The following CNTN4 variants were observed in gnomAD, a reference collection of about 807,000 sequenced individuals.
CNTN4 encodes the protein contactin 4, also known as contactin-4.
Under a neutral mutation model 122.5 loss-of-function variants are expected in CNTN4, and 77 were observed. The ratio of observed to expected loss-of-function variants is 0.63; its 90% CI spans 0.52 to 0.76. The LOEUF is 0.76. Among genes scored for constraint, CNTN4 ranks in the 30% least tolerant of loss-of-function variants. The pLI is 0.00. For missense variants in CNTN4, 1,256 were observed against 1,259.1 expected, an observed-to-expected ratio of 1.00 and a Z score of 0.04; for synonymous variants, 512 against 447.0, an observed-to-expected ratio of 1.15 and a Z score of -1.83.
At chr3:2,426,198 G>A (rs897646174) in intron 3 of CNTN4, among the ~76,000 whole-genome samples, 2 of 152,170 alleles carry the variant, frequency 1.3e-5, no homozygotes, top group Non-Finnish European at 2.9e-5. Context: ...GATGTTAGCT[G>A]TGGGTTTGTC....
At chr3:2,622,750 T>C (rs1297890853) in intron 4 of CNTN4, among the ~76,000 whole-genome samples, 1 of 152,208 alleles carries the variant, frequency 6.6e-6, no homozygotes, top group African/African-American at 2.4e-5. Context: ...GGATGTGTGT[T>C]AATATATCCA....
rs894812174 is a variant in CNTN4 at position 2,833,596 on chromosome 3, GA to G, written c.454+14023del. On this transcript the variant is annotated intron_variant, in intron 7 of 24. Transcript: ENST00000418658. ...TGTACTTTCTCATGTTTGAGCGGAAGAAAAAAAATTATGGTATTTTTTATTT... is the reference window on the plus strand; with the variant it reads ...TGTACTTTCTCATGTTTGAGCGGAAGAAAAAAATTATGGTATTTTTTATTT... 2.0e-4 allele frequency among the ~76,000 whole-genome samples: 29 copies of G among 148,404 alleles called. No homozygotes were observed. In the East Asian group the frequency reaches 4.9e-3, roughly 25 times the overall value.
chr3:2,137,876 C>T (rs73806314), intron 2 of CNTN4, among the ~76,000 whole-genome samples: 2 of 152,234 alleles, frequency 1.3e-5, no homozygotes, highest in South Asian at 2.1e-4. Context: ...CCTGTGTTGC[C>T]ACTATGTAAA....
intron 15 of CNTN4, 57 bp downstream of exon 15, chr3:3,026,334 T>G: frequency 1.4e-6 from 2 of 1,419,456 alleles, no homozygotes; most frequent in Non-Finnish European, 2.0e-6. Flanking sequence ...AACTTAACAA[T>G]ATATTTAAAG....
chr3:2,294,288 C>CTGTTTTTTTTTTTTTTTT (rs2042229738), intron 2 of CNTN4, among the ~76,000 whole-genome samples: 1 of 135,614 alleles, frequency 7.4e-6, no homozygotes, highest in Non-Finnish European at 1.6e-5. Flanking sequence ...AGAGTTGTGA[C>CTGTTTTTTTTTTTTTTTT]TTTTTTTTTT....
At chr3:2,923,940 A>G (rs1465661331) in intron 12 of CNTN4, among the ~76,000 whole-genome samples, 3 of 152,134 alleles carry the variant, frequency 2.0e-5, no homozygotes, top group African/African-American at 7.2e-5. Flanking sequence ...CGTTTATCTC[A>G]TTAAAGCAAA....
At chr3:2,479,127 CAAT>C (rs1481405850) in intron 3 of CNTN4, among the ~76,000 whole-genome samples, 1 of 152,074 alleles carries the variant, frequency 6.6e-6, no homozygotes, top group Non-Finnish European at 1.5e-5. Context: ...TCAACCATTT[CAAT>C]AATATTTGTT....
At chr3:2,845,438 G>A (rs73805414) in intron 7 of CNTN4, among the ~76,000 whole-genome samples, 2,421 of 151,882 alleles carry the variant, frequency 0.016, 73 homozygotes, top group African/African-American at 0.055. Flanking sequence ...TACTTTATTA[G>A]TAAATAAAGA....
At chr3:2,970,854 C>T (rs1692838754) in intron 13 of CNTN4, among the ~76,000 whole-genome samples, 1 of 151,900 alleles carries the variant, frequency 6.6e-6, no homozygotes, top group Admixed American at 6.6e-5. Flanking sequence ...GTGGCGTGAT[C>T]CCAGCTCACT....
chr3:2,373,277 G>A (rs752716451), intron 3 of CNTN4, among the ~76,000 whole-genome samples: 1 of 152,140 alleles, frequency 6.6e-6, no homozygotes, highest in Non-Finnish European at 1.5e-5. Context: ...GCACTCCTTG[G>A]GCAGGAGGAG....
intron 4 of CNTN4, among the ~76,000 whole-genome samples, chr3:2,629,876 A>G (rs546605904): frequency 5.1e-4 from 78 of 152,244 alleles, no homozygotes; most frequent in African/African-American, 1.7e-3. Flanking sequence ...ATTTCCCGCC[A>G]GCCCAACCTG....
At chr3:2,549,379 T>C (rs1255842656) in intron 3 of CNTN4, among the ~76,000 whole-genome samples, 1 of 152,208 alleles carries the variant, frequency 6.6e-6, no homozygotes, top group Non-Finnish European at 1.5e-5. Context: ...GTTCCATCAA[T>C]ACCTACTTTA....
intron 14 of CNTN4, among the ~76,000 whole-genome samples, chr3:2,990,350 A>G (rs116219368): frequency 0.018 from 2,725 of 152,322 alleles, 34 homozygotes; most frequent in Middle Eastern, 0.031. Context: ...CCACCCCAAT[A>G]GAATAATTAG....
chr3:2,367,171 C>T (rs1002430485), intron 3 of CNTN4, among the ~76,000 whole-genome samples: 1 of 151,962 alleles, frequency 6.6e-6, no homozygotes, highest in Non-Finnish European at 1.5e-5. Flanking sequence ...GAATAAACTA[C>T]ACAAAATTAC....
chr3:2,515,500 A>G (rs972509074), intron 3 of CNTN4, among the ~76,000 whole-genome samples: 1 of 152,188 alleles, frequency 6.6e-6, no homozygotes, highest in African/African-American at 2.4e-5. Flanking sequence ...ATGGAAAAAT[A>G]AAAGGCATAC....
intron 13 of CNTN4, among the ~76,000 whole-genome samples, chr3:2,935,581 A>G (rs2094560580): frequency 6.6e-6 from 1 of 152,208 alleles, no homozygotes; most frequent in Non-Finnish European, 1.5e-5. Flanking sequence ...TCTCCCTGGT[A>G]CAAGATGTAT....
intron 4 of CNTN4, among the ~76,000 whole-genome samples, chr3:2,634,544 T>G (rs2082573902): frequency 6.6e-6 from 1 of 151,840 alleles, no homozygotes; most frequent in South Asian, 2.1e-4. Flanking sequence ...TTTGAAAAAT[T>G]CTAGGGCCGG....
rs2088446310 is a variant in CNTN4 at position 2,729,080 on chromosome 3, T to A, written c.56-7135T>A. Among the ~76,000 whole-genome samples, 2 of 152,156 alleles carry A rather than the reference T, an allele frequency of 1.3e-5. 1 individual carries two copies. Among genetic ancestry groups the A allele is most frequent in the Admixed American group, 1.3e-4 (2 of 15,270 alleles). The stretch of plus-strand genomic sequence containing the variant: ...TAAGATGAAATCATAATATTGCATT[T>A]TTGTTCTTTCCCAACAGAGTCAGTT... On this transcript the variant is annotated intron_variant, in intron 4 of 24. Transcript: ENST00000418658.
chr3:2,206,520 A>G (rs577574219), intron 2 of CNTN4, among the ~76,000 whole-genome samples: 193 of 141,504 alleles, frequency 1.4e-3, no homozygotes, highest in African/African-American at 5.3e-3. Flanking sequence ...TGAAAAAAAT[A>G]AGAAGACATA....
Sources: allele counts gnomAD v4.1 joint callset (sites outside exome capture counted in the v4.1 genomes callset), GRCh38; gene constraint gnomAD v4.1.1; transcripts MANE v1.5; gene names NCBI Gene and HGNC (gene_info 2026-07-23, HGNC 2026-07-21).